Variants in ROS1 observed in about 807,000 individuals in gnomAD.
ROS1 encodes the protein ROS proto-oncogene 1, receptor tyrosine kinase.
Under a neutral mutation model 273.5 loss-of-function variants are expected in ROS1, and 263 were observed. That is an observed-to-expected ratio of 0.96 (90% CI 0.87 to 1.06). The LOEUF is 1.06. Ranked by LOEUF, ROS1 falls within the 50% of genes least tolerant of loss-of-function variation. The probability of loss-of-function intolerance (pLI) is 0.00; values close to 1 mark genes in which losing one functional copy is unlikely to be tolerated. For missense variants in ROS1, 2,833 were observed against 2,751.1 expected (o/e 1.03, Z -0.67); for synonymous variants, 1,008 against 954.1 (o/e 1.06, Z -1.04).
At chr6:117,290,799 T>A (rs923003115) in intron 43 of ROS1, among the ~76,000 whole-genome samples, 1 of 152,138 alleles carries the variant, frequency 6.6e-6, no homozygotes, top group Non-Finnish European at 1.5e-5. Flanking sequence ...GGCATGGTAT[T>A]ATTGCTCCCT....
rs531392903 is a variant in ROS1, at chr6:117,312,464, C to T, written c.6118-1347G>A. Among the ~76,000 whole-genome samples, 4 of 152,204 alleles carry T rather than the reference C, an allele frequency of 2.6e-5. No homozygotes were observed. The South Asian group carries it at 8.3e-4, about 32-fold the overall frequency. On this transcript the variant is annotated intron_variant, in intron 39 of 43. Transcript: ENST00000368507. The stretch of plus-strand genomic sequence containing the variant: ...ACCTTACTCCCAAATCAATATCCTC[C>T]AACCCTATTATCATGGCCCGTATCT...
rs528231727 is a variant in ROS1 at position 117,356,509 on chromosome 6, T to C, written c.4126+120A>G. ...TTGAATTCTGCAAGAACACTTGGCA[T>C]GGTACAGAGCAAATATCATGTGTAT... On this transcript the variant is annotated intron_variant, in intron 26 of 43. Coordinates refer to ENST00000368507, the MANE Select transcript of ROS1 (RefSeq NM_001378902.1). The C allele has an allele frequency of 1.6e-4, 138 of 859,798 alleles. 3 individuals carry two copies. In the South Asian group the frequency reaches 2.9e-3, roughly 18 times the overall value. 53.3% of individuals were successfully genotyped at this position (859,798 alleles called of 1,614,324 possible).
At chr6:117,351,833 C>T (rs555791526) in intron 27 of ROS1, among the ~76,000 whole-genome samples, 10 of 152,254 alleles carry the variant, frequency 6.6e-5, no homozygotes, top group African/African-American at 2.4e-4. Context: ...GCCACATGAA[C>T]TTTTAAAATC....
chr6:117,322,533 G>A (rs1336515895), intron 35 of ROS1, among the ~76,000 whole-genome samples: 6 of 152,126 alleles, frequency 3.9e-5, no homozygotes, highest in Admixed American at 3.3e-4. Flanking sequence ...CCTGAGGTCA[G>A]CAGTTGTATT....
chr6:117,328,866 G>A (rs113060778), intron 33 of ROS1: 8 of 612,950 alleles, frequency 1.3e-5, no homozygotes, highest in African/African-American at 1.8e-5. Context: ...AATCCTGTGT[G>A]ACCTCTACAC....
At chr6:117,381,823 C>T (rs1490130807) in intron 17 of ROS1, among the ~76,000 whole-genome samples, 9 of 152,138 alleles carry the variant, frequency 5.9e-5, no homozygotes, top group African/African-American at 1.9e-4. Flanking sequence ...AATCTCTGCA[C>T]TGTTTTCCAT....
intron 17 of ROS1, among the ~76,000 whole-genome samples, chr6:117,380,610 G>A (rs1013533575): frequency 8.6e-5 from 13 of 151,802 alleles, no homozygotes; most frequent in African/African-American, 3.1e-4. Context: ...ATTTTAAAAA[G>A]GAGATTCTAC....
intron 13 of ROS1, 57 bp downstream of exon 13, chr6:117,389,293 C>T: frequency 6.5e-7 from 1 of 1,536,406 alleles, no homozygotes; most frequent in Non-Finnish European, 8.7e-7. Flanking sequence ...CCAAGCAGTT[C>T]AAACCTTCCT....
intron 17 of ROS1, among the ~76,000 whole-genome samples, chr6:117,379,479 T>C (rs1348634341): frequency 6.6e-6 from 1 of 152,138 alleles, no homozygotes. Context: ...GGAACAAATA[T>C]AAATTATCAG....
intron 5 of ROS1, among the ~76,000 whole-genome samples, chr6:117,406,012 G>A (rs528240045): frequency 2.6e-5 from 4 of 152,232 alleles, no homozygotes; most frequent in African/African-American, 9.6e-5. Context: ...TTTTGGCCAG[G>A]CATGGTGGCT....
Position 117,337,321 on chromosome 6 carries a change from T to TA in ROS1, c.5080dup (p.Tyr1694LeufsTer4), listed in dbSNP as rs1465053447. 1 of 1,600,372 alleles carries TA rather than the reference T, an allele frequency of 6.2e-7. No individual in the cohort carries two copies. The highest frequency in any genetic ancestry group is 1.8e-5 in the Admixed American group (1 of 56,496). On this transcript the variant is annotated frameshift_variant, in exon 32 of 44. Coordinates refer to ENST00000368507, the MANE Select transcript of ROS1 (RefSeq NM_001378902.1). LOFTEE classifies it high-confidence loss of function. Reference sequence around the variant, plus strand: ...TTGGCTGCATGAAGTTTTAACATGGTAAAACTCATTGTATTTCCACTAGAA... The same window carrying TA: ...TTGGCTGCATGAAGTTTTAACATGGTAAAAACTCATTGTATTTCCACTAGAA...
chr6:117,293,349 C>A (rs369066439), intron 43 of ROS1, among the ~76,000 whole-genome samples: 1 of 152,312 alleles, frequency 6.6e-6, no homozygotes. Flanking sequence ...ACTACAGAAT[C>A]TACAGCCCAT....
chr6:117,412,829 C>T (rs1775031606), intron 4 of ROS1, among the ~76,000 whole-genome samples: 1 of 152,146 alleles, frequency 6.6e-6, no homozygotes, highest in African/African-American at 2.4e-5. Flanking sequence ...AGATCTAATC[C>T]TGGGCTGCTT....
At chr6:117,370,131 TG>T (rs1388509342) in intron 18 of ROS1, among the ~76,000 whole-genome samples, 1 of 152,184 alleles carries the variant, frequency 6.6e-6, no homozygotes. Context: ...CTCCATGACT[TG>T]GAGTTTTTCT....
In ROS1 at chr6:117,341,519, A is replaced by C. The variant is rs3752564; in HGVS notation, c.4765T>G (p.Leu1589Val). The C allele has an allele frequency of 6.2e-7, 1 of 1,613,668 alleles. No individual in the cohort carries two copies. Among genetic ancestry groups the C allele is most frequent in the Non-Finnish European group, 8.5e-7 (1 of 1,179,770 alleles). Residue 1589 changes from leucine (L) to valine (V), a missense_variant, in exon 30 of 44, where the codon TTG becomes GTG. Transcript: ENST00000368507. ...NGPKESVRYQLAISHLALIPE... is the reference protein window; with the variant it reads ...NGPKESVRYQVAISHLALIPE... Reference sequence around the variant, plus strand: ...ATTAGGGCCAGGTGTGAGATTGCCAACTGATAACGGACTGATTCTTTAGGT... The same window carrying C: ...ATTAGGGCCAGGTGTGAGATTGCCACCTGATAACGGACTGATTCTTTAGGT...
At chr6:117,348,703 A>G (rs1326719628) in intron 27 of ROS1, among the ~76,000 whole-genome samples, 3 of 151,234 alleles carry the variant, frequency 2.0e-5, no homozygotes, top group Non-Finnish European at 4.4e-5. Flanking sequence ...ATAATTTTAG[A>G]TCTATTTTTT....
chr6:117,324,415 T>G lies in ROS1; in HGVS notation c.5540A>C (p.Asp1847Ala), dbSNP rs138265888. The change falls in exon 35 of 44, where the codon GAT becomes GCT. Residue 1847 changes from aspartate (D) to alanine (A), a missense_variant and splice_region_variant. Coordinates refer to ENST00000368507, the MANE Select transcript of ROS1 (RefSeq NM_001378902.1). ...GISENIILVG[D>A]DFWIPETSFI... ...ACTTGTTTCTGGTATCCAAAAATCA[T>G]CTAATAATATAAATCAGAAAAAGAA... 1.9e-5 allele frequency: 25 copies of G among 1,309,306 alleles called. No individual in the cohort carries two copies. The East Asian group carries it at 3.3e-4, about 17-fold the overall frequency. 81.1% of individuals were successfully genotyped at this position (1,309,306 alleles called of 1,614,324 possible).
chr6:117,371,002 A>C (rs1378774241), intron 18 of ROS1, among the ~76,000 whole-genome samples: 1 of 152,212 alleles, frequency 6.6e-6, no homozygotes, highest in African/African-American at 2.4e-5. Flanking sequence ...AAAAAGCAAC[A>C]TCCTGTATGT....
intron 8 of ROS1, 138 bp from the exon 9 acceptor site, chr6:117,396,402 C>T: frequency 1.5e-6 from 1 of 666,862 alleles, no homozygotes; most frequent in South Asian, 1.7e-5. Flanking sequence ...TGCCACTGCT[C>T]AGCACCGAAA....
Sources: allele counts gnomAD v4.1 joint callset (sites outside exome capture counted in the v4.1 genomes callset), GRCh38; gene constraint gnomAD v4.1.1; transcripts MANE v1.5; gene names NCBI Gene and HGNC (gene_info 2026-07-23, HGNC 2026-07-21).